The following CSMD3 variants were observed in gnomAD, a reference collection of about 807,000 sequenced individuals.
CSMD3 encodes CUB and sushi domain-containing protein 3.
In CSMD3, 177 loss-of-function variants were observed where a neutral mutation model predicts 435.2. That is an observed-to-expected ratio of 0.41 (90% CI 0.36 to 0.46). CSMD3 has a LOEUF of 0.46. Among genes scored for constraint, CSMD3 ranks in the 20% least tolerant of loss-of-function variants. The probability of loss-of-function intolerance (pLI) is 0.34; values close to 1 mark genes in which losing one functional copy is unlikely to be tolerated. For synonymous variants in CSMD3, 1,656 were observed against 1,520.5 expected (o/e 1.09, Z -2.07); for missense variants, 4,265 against 4,504.6 (o/e 0.95, Z 1.52).
intron 38 of CSMD3, among the ~76,000 whole-genome samples, chr8:112,370,104 C>T (rs1273809410): frequency 7.1e-6 from 1 of 140,064 alleles, no homozygotes; most frequent in Non-Finnish European, 1.5e-5. Context: ...TAGTAGTAGT[C>T]AGGTATTTGT....
rs540322418 is a variant in CSMD3, at chr8:113,271,313, G to C, written c.514+7279C>G. ...GAAAATATCTCCAGGGCACGTCACA[G>C]GTCTTTATGGCAGCCCGTCCCATTA... On this transcript the variant is annotated intron_variant, in intron 3 of 70. Coordinates refer to ENST00000297405, the MANE Select transcript of CSMD3 (RefSeq NM_198123.2). 2.5e-3 allele frequency among the ~76,000 whole-genome samples: 384 copies of C among 152,244 alleles called. 1 individual carries two copies. The highest frequency in any genetic ancestry group is 3.5e-3 in the Non-Finnish European group (240 of 68,020).
intron 22 of CSMD3, among the ~76,000 whole-genome samples, chr8:112,626,191 T>C (rs1834459903): frequency 6.6e-6 from 1 of 152,138 alleles, no homozygotes; most frequent in Non-Finnish European, 1.5e-5. Context: ...AGGGACTGAA[T>C]GCATTTACTA....
At chr8:112,284,894 G>A (rs946561559) in intron 58 of CSMD3, among the ~76,000 whole-genome samples, 6 of 151,610 alleles carry the variant, frequency 4.0e-5, no homozygotes, top group Admixed American at 6.6e-5. Context: ...TGCTGCTCCC[G>A]CACACAATAA....
chr8:113,285,873 T>C (rs941429864), intron 2 of CSMD3, among the ~76,000 whole-genome samples: 4 of 152,222 alleles, frequency 2.6e-5, no homozygotes, highest in African/African-American at 9.6e-5. Context: ...TTTTGATACA[T>C]TTAGTTTCAT....
At chr8:112,646,507 G>T (rs2074984681) in intron 19 of CSMD3, among the ~76,000 whole-genome samples, 1 of 152,140 alleles carries the variant, frequency 6.6e-6, no homozygotes, top group African/African-American at 2.4e-5. Flanking sequence ...TTCTTGAGAA[G>T]TTTCTTGGGA....
At chr8:113,045,533 C>T (rs1461351275) in intron 5 of CSMD3, among the ~76,000 whole-genome samples, 1 of 148,908 alleles carries the variant, frequency 6.7e-6, no homozygotes, top group Non-Finnish European at 1.5e-5. Context: ...TCATTGATCC[C>T]GTTCCTCTAA....
intron 6 of CSMD3, among the ~76,000 whole-genome samples, chr8:113,002,440 A>G (rs1358968784): frequency 2.0e-5 from 3 of 152,176 alleles, no homozygotes; most frequent in Non-Finnish European, 1.5e-5. Context: ...ATAAATGCTC[A>G]TTCTCAGAAA....
intron 2 of CSMD3, among the ~76,000 whole-genome samples, chr8:113,282,490 CA>C (rs919787007): frequency 4.7e-5 from 7 of 149,902 alleles, no homozygotes; most frequent in East Asian, 2.0e-4. Context: ...ATGATAGCTG[CA>C]AAAAAAAATT....
At chr8:112,612,709 CTTTTTTTTTTTTTTT>C (rs532290154) in intron 22 of CSMD3, among the ~76,000 whole-genome samples, 1 of 65,888 alleles carries the variant, frequency 1.5e-5, no homozygotes, top group African/African-American at 5.8e-5. Flanking sequence ...TTTCTTTGTT[CTTTTTTTTTTTTTTT>C]TTTTTTTTTT....
At chr8:112,346,823 C>G (rs966396804) in intron 40 of CSMD3, among the ~76,000 whole-genome samples, 2 of 151,776 alleles carry the variant, frequency 1.3e-5, no homozygotes, top group East Asian at 2.0e-4. Flanking sequence ...GGACTACAGG[C>G]GCCTGCCACC....
intron 45 of CSMD3, among the ~76,000 whole-genome samples, chr8:112,327,405 G>A (rs886400460): frequency 1.3e-5 from 2 of 152,116 alleles, no homozygotes; most frequent in Non-Finnish European, 2.9e-5. Context: ...CTAAATAAGT[G>A]AAATGAGGTG....
chr8:113,336,770 A>G (rs927951086), intron 1 of CSMD3, among the ~76,000 whole-genome samples: 5 of 152,052 alleles, frequency 3.3e-5, no homozygotes, highest in Admixed American at 1.3e-4. Flanking sequence ...CCTTGTTACT[A>G]TGAAGTGGGT....
intron 10 of CSMD3, among the ~76,000 whole-genome samples, chr8:112,884,561 C>G (rs2081537033): frequency 6.6e-6 from 1 of 151,746 alleles, no homozygotes; most frequent in Non-Finnish European, 1.5e-5. Flanking sequence ...TCCTTTCCCC[C>G]ACAATTGAGG....
At position 113,206,161 on chromosome 8, in the gene CSMD3, C is replaced by T. The variant is rs145715866; in HGVS notation, c.515-32245G>A. On this transcript the variant is annotated intron_variant, in intron 3 of 70. Coordinates refer to ENST00000297405, the MANE Select transcript of CSMD3 (RefSeq NM_198123.2). Reference sequence around the variant, plus strand: ...CTCTTTGTTGAAAATGTTTGCTGACCCCCAAGAACGAGACTACAAAATTGC... The same window carrying T: ...CTCTTTGTTGAAAATGTTTGCTGACTCCCAAGAACGAGACTACAAAATTGC... 1.3e-4 allele frequency among the ~76,000 whole-genome samples: 19 copies of T among 151,860 alleles called. No individual in the cohort carries two copies. In the East Asian group the frequency reaches 3.7e-3, roughly 30 times the overall value.
At chr8:112,611,677 G>A (rs1833273181) in intron 22 of CSMD3, among the ~76,000 whole-genome samples, 1 of 152,040 alleles carries the variant, frequency 6.6e-6, no homozygotes, top group African/African-American at 2.4e-5. Flanking sequence ...GGTGGCATTT[G>A]TTGCTGGCAA....
rs1563737793 is a variant in CSMD3, at chr8:113,355,720, T to TATATATATATATATA, written c.179-40928_179-40927insTATATATATATATAT. Among the ~76,000 whole-genome samples, 9 of 72,468 alleles carry TATATATATATATATA rather than the reference T, an allele frequency of 1.2e-4. 1 individual carries two copies. Among genetic ancestry groups the TATATATATATATATA allele is most frequent in the African/African-American group, 2.8e-4 (5 of 18,150 alleles). 47.5% of individuals were successfully genotyped at this position (72,468 alleles called of 152,430 possible). A position where few individuals can be genotyped will look rare whatever the true frequency, so the allele number is the denominator to read the frequency against. On this transcript the variant is annotated intron_variant, in intron 1 of 70. Coordinates refer to ENST00000297405, the MANE Select transcript of CSMD3 (RefSeq NM_198123.2). The stretch of plus-strand genomic sequence containing the variant: ...AATAAATAACTCTTAAAAGTTTTAT[T>TATATATATATATATA]TTTATATATATATATATATATATAT...
chr8:113,377,016 A>T, intron 1 of CSMD3: 1 of 322,664 alleles, frequency 3.1e-6, no homozygotes, highest in Non-Finnish European at 3.7e-6. Context: ...TCTTCTAGGG[A>T]GTGGGGTGGG....
Position 112,506,789 on chromosome 8 carries a change from A to C in CSMD3, c.4797T>G (p.Ile1599Met). The change falls in exon 29 of 71, where the codon ATT becomes ATG. Residue 1599 changes from isoleucine (I) to methionine (M), a missense_variant. Ile to Met is a conservative substitution (Grantham distance 10, BLOSUM62 1). This residue lies in a region of CSMD3 where 3,255 missense variants were observed against 3,380.2 expected (regional missense o/e 0.96). Coordinates refer to ENST00000297405, the MANE Select transcript of CSMD3 (RefSeq NM_198123.2). ...ATGGATGAGGGAAGTTTGGTGAAAG[A>C]ATAAAGCCTGAAGATCCTGTTAAAT... is the stretch of plus-strand genomic sequence containing the variant. ...GGNLTGSSGF[I>M]LSPNFPHPYP... 1 of 1,613,724 alleles carries C rather than the reference A, an allele frequency of 6.2e-7. No homozygotes were observed. Among genetic ancestry groups the C allele is most frequent in the Non-Finnish European group, 8.5e-7 (1 of 1,179,678 alleles).
intron 3 of CSMD3, among the ~76,000 whole-genome samples, chr8:113,228,831 G>T (rs1475262098): frequency 6.6e-6 from 1 of 151,586 alleles, no homozygotes; most frequent in Non-Finnish European, 1.5e-5. Context: ...TAAATTACTT[G>T]ATACTTGCTC....
Sources: allele counts gnomAD v4.1 joint callset (sites outside exome capture counted in the v4.1 genomes callset), GRCh38; gene constraint gnomAD v4.1.1; regional missense constraint gnomAD v4.1.1; transcripts MANE v1.5; gene names NCBI Gene and HGNC (gene_info 2026-07-23, HGNC 2026-07-21).